CLPTM1: variants seen among roughly 807,000 people sequenced by gnomAD.
The protein encoded by CLPTM1 is putative lipid scramblase CLPTM1.
Under a neutral mutation model 77.3 loss-of-function variants are expected in CLPTM1, and 21 were observed. The ratio of observed to expected loss-of-function variants is 0.27; its 90% CI spans 0.19 to 0.39. The LOEUF is 0.39. Ranked by LOEUF, CLPTM1 falls within the 10% of genes least tolerant of loss-of-function variation. The probability of loss-of-function intolerance (pLI) is 1.00; values close to 1 mark genes in which losing one functional copy is unlikely to be tolerated. For synonymous variants in CLPTM1, 373 were observed against 381.0 expected (o/e 0.98, Z 0.24); for missense variants, 642 against 921.2 (o/e 0.70, Z 3.92).
rs1255811443 is a variant in CLPTM1, at chr19:44,993,288, C to T, written c.*391C>T. The T allele has an allele frequency of 2.3e-6, 1 of 428,892 alleles. No homozygotes were observed. Among genetic ancestry groups the T allele is most frequent in the Non-Finnish European group, 4.5e-6 (1 of 220,884 alleles). 26.6% of individuals were successfully genotyped at this position (428,892 alleles called of 1,614,324 possible). On this transcript the variant is annotated 3_prime_UTR_variant, in exon 14 of 14. Coordinates refer to ENST00000337392, the MANE Select transcript of CLPTM1 (RefSeq NM_001294.4). ...CACACTCCCCCTCCTAGACCGCCGC[C>T]CTTTAACACAGTCTGGATTTAATAA... is the stretch of plus-strand genomic sequence containing the variant.
chr19:44,982,820 T>C (rs1970919434), intron 5 of CLPTM1, among the ~76,000 whole-genome samples: 1 of 152,124 alleles, frequency 6.6e-6, no homozygotes, highest in African/African-American at 2.4e-5. Context: ...CCCAGCAATT[T>C]GAGAGGCCGA....
At chr19:44,974,988 C>T (rs1330382900) in intron 4 of CLPTM1, among the ~76,000 whole-genome samples, 2 of 152,220 alleles carry the variant, frequency 1.3e-5, no homozygotes, top group African/African-American at 4.8e-5. Flanking sequence ...TAGGCTGACT[C>T]ATGGAAATTT....
Position 44,986,614 on chromosome 19 carries a change from TGA to T in CLPTM1, c.793+43_793+44del, listed in dbSNP as rs779507270. On this transcript the variant is annotated intron_variant, in intron 7 of 13. Coordinates refer to ENST00000337392, the MANE Select transcript of CLPTM1 (RefSeq NM_001294.4). ...CCCTGCCAGCTGCCTGCAGAGCCTT[TGA>T]GAGGGTGCTCGGGGTCCATCTCCTT... 3 of 1,605,494 alleles carry T rather than the reference TGA, an allele frequency of 1.9e-6. No homozygotes were observed. In the African/African-American group the frequency reaches 4.0e-5, roughly 21 times the overall value.
chr19:44,987,311 C>T lies in CLPTM1; in HGVS notation c.926C>T (p.Pro309Leu). The T allele has an allele frequency of 1.2e-6, 2 of 1,614,278 alleles. No individual in the cohort carries two copies. ...ASLPLRVSFC[P>L]LSLWRWQLYA... ...CTGCCGCTCCGCGTCTCCTTCTGCC[C>T]ACTCTCGCTTTGGCGCTGGCAGCTC... is the stretch of plus-strand genomic sequence containing the variant. Residue 309 changes from proline to leucine, a missense_variant, in exon 8 of 14, where the codon CCA becomes CTA. This residue lies in a region of CLPTM1 where 521 missense variants were observed against 800.4 expected (regional missense o/e 0.65). Transcript: ENST00000337392.
At chr19:44,987,120 C>T (rs1568388996) in intron 7 of CLPTM1, 59 bp from the exon 8 acceptor site, 1 of 1,565,304 alleles carries the variant, frequency 6.4e-7, no homozygotes, top group Non-Finnish European at 8.7e-7. Context: ...CATCTGAGGC[C>T]TGCGGGTACC....
chr19:44,965,872 A>G (rs145639166), intron 2 of CLPTM1, among the ~76,000 whole-genome samples: 5,001 of 152,338 alleles, frequency 0.033, 114 homozygotes, highest in Middle Eastern at 0.071. Context: ...ATGTCTTCAC[A>G]TGGCCATGGC....
At chr19:44,981,739 C>A (rs148367065) in intron 5 of CLPTM1, among the ~76,000 whole-genome samples, 192 of 151,650 alleles carry the variant, frequency 1.3e-3, no homozygotes, top group African/African-American at 3.9e-3. Flanking sequence ...ATGGCAAAAC[C>A]CCCCCTAATA....
In CLPTM1 at chr19:44,977,439, G is replaced by A. The variant is rs1278787270; in HGVS notation, c.565G>A (p.Ala189Thr). The A allele has an allele frequency of 6.2e-7, 1 of 1,607,676 alleles. No individual in the cohort carries two copies. The stretch of plus-strand genomic sequence containing the variant: ...GCAGAAGGCCCTGTACCGCCGGCTT[G>A]CCACAGTCCACATGTCCCGGAGTAA... ...PRQKALYRRL[A>T]TVHMSRMINK... The change falls in exon 5 of 14, where the codon GCC (alanine) becomes ACC (threonine). Residue 189 changes from alanine (A) to threonine (T), a missense_variant. By Grantham distance (58) the Ala-to-Thr change is moderately conservative. Transcript: ENST00000337392.
intron 2 of CLPTM1, among the ~76,000 whole-genome samples, chr19:44,972,243 T>C (rs561929021): frequency 6.6e-6 from 1 of 150,960 alleles, no homozygotes; most frequent in Admixed American, 6.6e-5. Flanking sequence ...AAATACTAGA[T>C]CTCATTCATT....
In CLPTM1 at chr19:44,991,107, G is replaced by T; in HGVS notation, c.1420-131G>T. 6.7e-7 allele frequency: 1 copy of T among 1,485,766 alleles called. No individual in the cohort carries two copies. Among genetic ancestry groups the T allele is most frequent in the Non-Finnish European group, 9.2e-7 (1 of 1,086,994 alleles). 92.0% of individuals were successfully genotyped at this position (1,485,766 alleles called of 1,614,324 possible). A position where few individuals can be genotyped will look rare whatever the true frequency, so the allele number is the denominator to read the frequency against. ...ATAACTGCTTCCCTGGGCGAGTCCG[G>T]AGTCCCCAGGGCTACCTGGAAATTC... On this transcript the variant is annotated intron_variant, in intron 11 of 13. Coordinates refer to ENST00000337392, the MANE Select transcript of CLPTM1 (RefSeq NM_001294.4). This position sits in a 1 kb window ranked among gnomAD's most constrained non-coding sequence, Gnocchi z 5.4.
intron 1 of CLPTM1, among the ~76,000 whole-genome samples, chr19:44,957,643 G>A (rs1191138040): frequency 6.6e-5 from 10 of 152,208 alleles, no homozygotes. Flanking sequence ...GCGTGGACGT[G>A]CAGATCCGAG....
At chr19:44,982,885 A>T (rs1209172130) in intron 5 of CLPTM1, among the ~76,000 whole-genome samples, 1 of 151,870 alleles carries the variant, frequency 6.6e-6, no homozygotes, top group Non-Finnish European at 1.5e-5. Flanking sequence ...AACATGGTTA[A>T]ACTCCGTCTC....
In CLPTM1 at chr19:44,988,091, G is replaced by A. The variant is rs376387117; in HGVS notation, c.1050G>A (p.Leu350=). The A allele has an allele frequency of 1.2e-6, 2 of 1,613,662 alleles. No homozygotes were observed. Among genetic ancestry groups the A allele is most frequent in the Admixed American group, 3.3e-5 (2 of 59,984 alleles). The change falls in exon 9 of 14, where the codon CTG becomes CTA. Residue 350 remains leucine (L), a synonymous_variant. Coordinates refer to ENST00000337392, the MANE Select transcript of CLPTM1 (RefSeq NM_001294.4). The part of the protein sequence containing the change: ...EEQDSVKVAL[L]ETNPYLLALT... ...TGTGTCCCCTGCAGGTGGCCCTGCT[G>A]GAGACCAACCCCTACCTGCTGGCGC...
chr19:44,961,953 TC>T lies in CLPTM1; in HGVS notation c.73-5del. On this transcript the variant is annotated splice_polypyrimidine_tract_variant and intron_variant, in intron 1 of 13. Transcript: ENST00000337392. ...TTCTCCCTCCTTACCCTGGCCTCTGTCCCCCACAGGTGACCAGCAATGGCAG... is the reference window on the plus strand; with the variant it reads ...TTCTCCCTCCTTACCCTGGCCTCTGTCCCCACAGGTGACCAGCAATGGCAG... 1 of 1,584,528 alleles carries T rather than the reference TC, an allele frequency of 6.3e-7. No homozygotes were observed. Among genetic ancestry groups the T allele is most frequent in the Non-Finnish European group, 8.6e-7 (1 of 1,166,600 alleles).
rs1196136400 is a variant in CLPTM1, at chr19:44,990,801, G to A, written c.1324-49G>A. 6.7e-7 allele frequency: 1 copy of A among 1,500,662 alleles called. No individual in the cohort carries two copies. The highest frequency in any genetic ancestry group is 2.3e-5 in the East Asian group (1 of 43,338). 93.0% of individuals were successfully genotyped at this position (1,500,662 alleles called of 1,614,324 possible). A position where few individuals can be genotyped will look rare whatever the true frequency, so the allele number is the denominator to read the frequency against. Reference sequence around the variant, plus strand: ...GGGCAGGGGCTGGTTCTGGCTTGTGGGGTGGGAGCCAGCGTAGCAACTGAC... The same window carrying A: ...GGGCAGGGGCTGGTTCTGGCTTGTGAGGTGGGAGCCAGCGTAGCAACTGAC... On this transcript the variant is annotated intron_variant, in intron 10 of 13. Transcript: ENST00000337392. The surrounding 1 kb of genome is among the most constrained non-coding windows in gnomAD (Gnocchi z 4.8).
intron 5 of CLPTM1, among the ~76,000 whole-genome samples, chr19:44,979,161 G>A (rs551287061): frequency 5.3e-5 from 8 of 152,170 alleles, no homozygotes; most frequent in Admixed American, 2.0e-4. Context: ...TGTATTTTTA[G>A]TAGAGACGGG....
Position 44,993,000 on chromosome 19 carries a change from C to T in CLPTM1, c.*103C>T. 1 of 1,415,690 alleles carries T rather than the reference C, an allele frequency of 7.1e-7. No individual in the cohort carries two copies. Among genetic ancestry groups the T allele is most frequent in the Non-Finnish European group, 9.7e-7 (1 of 1,033,398 alleles). The allele number at this position is 1,415,690 out of a possible 1,614,324, so 87.7% of individuals were successfully genotyped here. ...TCGCCCTTTCCCTGGACAGATCAGG[C>T]CGGGGCGGTGGGAGGCCCGCCTCAG... On this transcript the variant is annotated 3_prime_UTR_variant, in exon 14 of 14. Transcript: ENST00000337392. This position sits in a 1 kb window ranked among gnomAD's most constrained non-coding sequence, Gnocchi z 7.7.
chr19:44,989,810 A>G (rs1302366369), intron 9 of CLPTM1, among the ~76,000 whole-genome samples: 5 of 152,094 alleles, frequency 3.3e-5, no homozygotes, highest in Non-Finnish European at 5.9e-5. Context: ...GCATGCTGAC[A>G]TGGATCCTTG....
intron 2 of CLPTM1, among the ~76,000 whole-genome samples, chr19:44,965,873 T>C (rs1049985191): frequency 1.3e-5 from 2 of 152,206 alleles, no homozygotes; most frequent in African/African-American, 4.8e-5. Flanking sequence ...TGTCTTCACA[T>C]GGCCATGGCC....
Sources: allele counts gnomAD v4.1 joint callset (sites outside exome capture counted in the v4.1 genomes callset), GRCh38; gene constraint gnomAD v4.1.1; regional missense constraint gnomAD v4.1.1; non-coding constraint Gnocchi (gnomAD v3.1); transcripts MANE v1.5; gene names NCBI Gene and HGNC (gene_info 2026-07-23, HGNC 2026-07-21).